C1orf159: variants seen among roughly 807,000 people sequenced by gnomAD.
C1orf159 encodes the protein chromosome 1 open reading frame 159.
In C1orf159, 19 loss-of-function variants were observed where a neutral mutation model predicts 25.6. The observed-to-expected ratio is 0.74, with a 90% CI of 0.52 to 1.09. The LOEUF is 1.09. Among genes scored for constraint, C1orf159 ranks in the 50% least tolerant of loss-of-function variants. The probability of loss-of-function intolerance (pLI) is 0.00; values close to 1 mark genes in which losing one functional copy is unlikely to be tolerated. For missense variants in C1orf159, 274 were observed against 290.6 expected (o/e 0.94, Z 0.42); for synonymous variants, 139 against 124.7 (o/e 1.12, Z -0.77).
chr1:1,103,344 C>T (rs1280297707), intron 1 of C1orf159, among the ~76,000 whole-genome samples: 5 of 152,222 alleles, frequency 3.3e-5, no homozygotes, highest in Admixed American at 6.5e-5. Context: ...TCTTTCCCTT[C>T]GAGAATGGCT....
chr1:1,085,294 C>A (rs796934130), intron 7 of C1orf159: 13 of 433,380 alleles, frequency 3.0e-5, no homozygotes, highest in African/African-American at 2.6e-4. Flanking sequence ...CTGGCAGGGA[C>A]CCTGCGGGGG....
In C1orf159 at chr1:1,091,512, C is replaced by T. The variant is rs1645935095; in HGVS notation, c.32G>A (p.Gly11Asp). The T allele has an allele frequency of 6.5e-7, 1 of 1,550,228 alleles. No homozygotes were observed. Among genetic ancestry groups the T allele is most frequent in the Non-Finnish European group, 8.7e-7 (1 of 1,146,896 alleles). ...CTTGCTGGCGACTCCCACGAGAAGG[C>T]CAGCCAGGAGGGCGAGGTGCCGCAG... MALRHLALLA[G>D]LLVGVASKSM... Residue 11 changes from glycine to aspartate, a missense_variant, in exon 3 of 10, where the codon GGC becomes GAC. Transcript: ENST00000421241.
chr1:1,101,275 G>C (rs538404430), intron 1 of C1orf159, among the ~76,000 whole-genome samples: 1 of 152,224 alleles, frequency 6.6e-6, no homozygotes, highest in Non-Finnish European at 1.5e-5. Context: ...TTGAGGCCAG[G>C]AGTTTGATGC....
At chr1:1,101,158 A>G (rs1646094717) in intron 1 of C1orf159, among the ~76,000 whole-genome samples, 3 of 151,520 alleles carry the variant, frequency 2.0e-5, no homozygotes, top group Non-Finnish European at 4.4e-5. Context: ...TTTTTCTTTC[A>G]GCAGTTCCAC....
intron 2 of C1orf159, 24 bp from the exon 3 acceptor site, chr1:1,091,589 A>C: frequency 6.7e-7 from 1 of 1,491,050 alleles, no homozygotes; most frequent in Non-Finnish European, 9.1e-7. Flanking sequence ...GAGCATGCGG[A>C]GCCAAAGAGA....
chr1:1,100,040 C>T (rs1646078515), intron 1 of C1orf159, among the ~76,000 whole-genome samples: 1 of 152,138 alleles, frequency 6.6e-6, no homozygotes, highest in Non-Finnish European at 1.5e-5. Flanking sequence ...TCACTTGAGC[C>T]CAGGAGTTTG....
At chr1:1,105,041 C>T (rs1254893869) in intron 1 of C1orf159, among the ~76,000 whole-genome samples, 1 of 152,158 alleles carries the variant, frequency 6.6e-6, no homozygotes, top group Non-Finnish European at 1.5e-5. Flanking sequence ...CCCTTATCGC[C>T]CCACTTTAAA....
At chr1:1,085,194 C>A in intron 7 of C1orf159, 1 of 359,206 alleles carries the variant, frequency 2.8e-6, no homozygotes, top group Non-Finnish European at 5.8e-6. Context: ...GGTGGGGCTG[C>A]CCAGAGACCT....
intron 3 of C1orf159, 142 bp downstream of exon 3, chr1:1,091,330 A>G: frequency 1.2e-6 from 1 of 831,336 alleles, no homozygotes; most frequent in South Asian, 1.5e-5. Flanking sequence ...CTCTGACCCC[A>G]GCAGTGGACC....
At chr1:1,084,015 G>C (rs775102369) in intron 9 of C1orf159, 4 of 1,606,120 alleles carry the variant, frequency 2.5e-6, no homozygotes, top group Non-Finnish European at 3.4e-6. Context: ...GGTGGAGCTG[G>C]ACTTCAAGGA....
rs1017633172 is a variant in C1orf159, at chr1:1,091,551, G to T, written c.-8C>A. 6.5e-7 allele frequency: 1 copy of T among 1,548,736 alleles called. No individual in the cohort carries two copies. The highest frequency in any genetic ancestry group is 8.7e-7 in the Non-Finnish European group (1 of 1,146,636). On this transcript the variant is annotated 5_prime_UTR_variant, in exon 3 of 10. It introduces an in-frame stop codon into an upstream open reading frame of the 5' UTR. Coordinates refer to ENST00000421241, the MANE Select transcript of C1orf159 (RefSeq NM_017891.5). ...GAGGTGCCGCAGCGCCATGCCAGGA[G>T]CAGATGCGCAGAGCCTGCCACAGGG...
At chr1:1,092,151 C>T in intron 1 of C1orf159, 48 bp from the exon 2 acceptor site, 1 of 361,830 alleles carries the variant, frequency 2.8e-6, no homozygotes, top group Non-Finnish European at 5.6e-6. Flanking sequence ...GAGGGCAACC[C>T]AGGTGGGCCG....
intron 1 of C1orf159, among the ~76,000 whole-genome samples, chr1:1,103,201 G>A (rs1384766874): frequency 3.3e-5 from 5 of 152,134 alleles, no homozygotes; most frequent in African/African-American, 7.2e-5. Flanking sequence ...ATGTTTCCTC[G>A]CTGAGATTTC....
intron 1 of C1orf159, among the ~76,000 whole-genome samples, chr1:1,097,824 C>T (rs1646030862): frequency 6.6e-6 from 1 of 152,060 alleles, no homozygotes; most frequent in Non-Finnish European, 1.5e-5. Flanking sequence ...TTAAGTTTCT[C>T]CATTTTTCTC....
chr1:1,108,265 A>T, intron 1 of C1orf159, among the ~76,000 whole-genome samples: 1 of 136,148 alleles, frequency 7.3e-6, no homozygotes, highest in Non-Finnish European at 1.6e-5. Flanking sequence ...ACCATGTCTC[A>T]GCAGCACCGT....
At chr1:1,090,740 G>T in intron 3 of C1orf159, 1 of 826,812 alleles carries the variant, frequency 1.2e-6, no homozygotes. Flanking sequence ...TTCTCTGCAA[G>T]TCTCCGGAGG....
chr1:1,098,515 A>T (rs1474350795), intron 1 of C1orf159, among the ~76,000 whole-genome samples: 1 of 152,262 alleles, frequency 6.6e-6, no homozygotes, highest in African/African-American at 2.4e-5. Context: ...CTCAGAAAGC[A>T]TACTTTGTAT....
At chr1:1,099,497 GACTAT>G (rs1646064136) in intron 1 of C1orf159, among the ~76,000 whole-genome samples, 1 of 89,190 alleles carries the variant, frequency 1.1e-5, no homozygotes, top group African/African-American at 8.6e-5. Flanking sequence ...TAAAATCTCC[GACTAT>G]GATTGTGTAT....
Position 1,092,109 on chromosome 1 carries a change from G to T in C1orf159, c.-135-6C>A. 2.4e-6 allele frequency: 1 copy of T among 413,248 alleles called. No homozygotes were observed. Among genetic ancestry groups the T allele is most frequent in the South Asian group, 1.7e-5 (1 of 59,112 alleles). The allele number at this position is 413,248 out of a possible 1,614,324, so 25.6% of individuals were successfully genotyped here. A position where few individuals can be genotyped will look rare whatever the true frequency, so the allele number is the denominator to read the frequency against. On this transcript the variant is annotated splice_region_variant and splice_polypyrimidine_tract_variant and intron_variant, in intron 1 of 9. Coordinates refer to ENST00000421241, the MANE Select transcript of C1orf159 (RefSeq NM_017891.5). ...CTGCAGACCCCGGCCCAGTCCTGCA[G>T]ATGAAGACAGCAGGTGAGGCCGTGG...
Sources: allele counts gnomAD v4.1 joint callset (sites outside exome capture counted in the v4.1 genomes callset), GRCh38; gene constraint gnomAD v4.1.1; transcripts MANE v1.5; gene names NCBI Gene and HGNC (gene_info 2026-07-23, HGNC 2026-07-21).